DOCK2: variants seen among roughly 807,000 people sequenced by gnomAD.
DOCK2 encodes the protein dedicator of cytokinesis 2.
A neutral mutation model predicts 248.9 loss-of-function variants in DOCK2; 87 were observed. The ratio of observed to expected loss-of-function variants is 0.35; its 90% CI spans 0.29 to 0.42. DOCK2 has a LOEUF of 0.42. DOCK2 is among the 10% of genes least tolerant of loss of function. DOCK2 has a pLI of 1.00. For missense variants in DOCK2, 1,747 were observed against 2,300.2 expected, an observed-to-expected ratio of 0.76 and a Z score of 4.92; for synonymous variants, 805 against 821.6, an observed-to-expected ratio of 0.98 and a Z score of 0.35.
intron 22 of DOCK2, among the ~76,000 whole-genome samples, chr5:169,727,067 C>CAAAA (rs796894886): frequency 1.1e-5 from 1 of 89,314 alleles, no homozygotes; most frequent in African/African-American, 4.3e-5. Context: ...GACCCTGTCT[C>CAAAA]AAAAAAAAAA....
intron 36 of DOCK2, among the ~76,000 whole-genome samples, chr5:170,037,477 C>CA (rs1554127655): frequency 0.012 from 1,366 of 111,268 alleles, 11 homozygotes; most frequent in Non-Finnish European, 0.02. Flanking sequence ...AGCACAAAAA[C>CA]AAATTTTTTT....
At chr5:169,663,445 TC>T (rs1287534875) in intron 2 of DOCK2, among the ~76,000 whole-genome samples, 1 of 152,208 alleles carries the variant, frequency 6.6e-6, no homozygotes, top group East Asian at 1.9e-4. Context: ...GTGTGGGGGC[TC>T]CAACCCCACA....
At chr5:169,854,563 A>G (rs13161756) in intron 27 of DOCK2, among the ~76,000 whole-genome samples, 11,906 of 152,306 alleles carry the variant, frequency 0.078, 648 homozygotes, top group Non-Finnish European at 0.12. Flanking sequence ...TTTCATTTTA[A>G]TGATAGAGGT....
At chr5:169,998,313 C>G (rs983814103) in intron 30 of DOCK2, among the ~76,000 whole-genome samples, 1 of 152,224 alleles carries the variant, frequency 6.6e-6, no homozygotes, top group African/African-American at 2.4e-5. Flanking sequence ...GAGGAGGTGA[C>G]GTCTGGGCTG....
intron 27 of DOCK2, among the ~76,000 whole-genome samples, chr5:169,923,699 A>G (rs1401216480): frequency 6.6e-6 from 1 of 152,220 alleles, no homozygotes; most frequent in African/African-American, 2.4e-5. Flanking sequence ...CTGAATATGC[A>G]TGTATTTTAT....
chr5:169,659,519 C>T (rs1405343087), intron 2 of DOCK2, among the ~76,000 whole-genome samples: 5 of 152,136 alleles, frequency 3.3e-5, no homozygotes, highest in Admixed American at 2.6e-4. Flanking sequence ...CTAGCCCTTC[C>T]TTGCCTATGT....
chr5:169,910,656 A>G (rs542958694), intron 27 of DOCK2, among the ~76,000 whole-genome samples: 50 of 152,346 alleles, frequency 3.3e-4, no homozygotes, highest in African/African-American at 1.2e-3. Context: ...GGCCACGGCA[A>G]TGAAGTCCCC....
intron 22 of DOCK2, among the ~76,000 whole-genome samples, chr5:169,740,627 C>T (rs1338000619): frequency 6.6e-6 from 1 of 152,196 alleles, no homozygotes; most frequent in Non-Finnish European, 1.5e-5. Flanking sequence ...TGGGGGTATT[C>T]AATGAAGTAA....
chr5:169,637,446 C>A, intron 1 of DOCK2, 77 bp downstream of exon 1: 1 of 1,284,070 alleles, frequency 7.8e-7, no homozygotes. Flanking sequence ...TGCTGCGGGG[C>A]CGGCGGCGCG....
intron 25 of DOCK2, among the ~76,000 whole-genome samples, chr5:169,771,670 T>C (rs1055216369): frequency 2.0e-5 from 3 of 152,240 alleles, no homozygotes; most frequent in Non-Finnish European, 2.9e-5. Context: ...GCTGATTTTA[T>C]GTATTGTGAA....
rs1368737779 is a variant in DOCK2 at position 170,041,155 on chromosome 5, C to T, written c.3756+10C>T. 1 of 1,611,428 alleles carries T rather than the reference C, an allele frequency of 6.2e-7. No individual in the cohort carries two copies. The highest frequency in any genetic ancestry group is 1.3e-5 in the African/African-American group (1 of 74,966). On this transcript the variant is annotated intron_variant, in intron 37 of 51. Transcript: ENST00000520908. ...CACCTGGCTTCTCAAGGTACAGTCA[C>T]TTTGGGTGAAGGGCATTTATGCTGG...
chr5:170,043,168 T>G (rs1359169444), intron 38 of DOCK2, among the ~76,000 whole-genome samples: 1 of 152,184 alleles, frequency 6.6e-6, no homozygotes, highest in Non-Finnish European at 1.5e-5. Flanking sequence ...GGTGGCCACA[T>G]GCTCAAGTTT....
chr5:169,944,771 C>T (rs1776379064), intron 27 of DOCK2, among the ~76,000 whole-genome samples: 1 of 152,178 alleles, frequency 6.6e-6, no homozygotes, highest in African/African-American at 2.4e-5. Flanking sequence ...GCTCTAGAAG[C>T]ACCTTGTGCT....
At chr5:169,695,978 G>T (rs758723530) in intron 10 of DOCK2, 40 bp downstream of exon 10, 14 of 1,541,780 alleles carry the variant, frequency 9.1e-6, no homozygotes, top group Non-Finnish European at 1.2e-5. Context: ...TTATGGGAGC[G>T]CACATTTTAT....
intron 1 of DOCK2, among the ~76,000 whole-genome samples, chr5:169,652,566 A>G (rs1022201666): frequency 6.6e-6 from 1 of 152,252 alleles, no homozygotes; most frequent in African/African-American, 2.4e-5. Context: ...CCTGCGAGAT[A>G]GGTACTGTTA....
chr5:169,787,189 A>C (rs1225325961), intron 25 of DOCK2, among the ~76,000 whole-genome samples: 8 of 152,236 alleles, frequency 5.3e-5, no homozygotes, highest in Admixed American at 2.0e-4. Context: ...TATAGCACTT[A>C]CCATGTGGTC....
chr5:169,694,554 C>G (rs1265401457), intron 9 of DOCK2, among the ~76,000 whole-genome samples: 1 of 152,200 alleles, frequency 6.6e-6, no homozygotes, highest in Non-Finnish European at 1.5e-5. Flanking sequence ...TTCTTTGTGT[C>G]TCAGTTTCCC....
At position 169,761,278 on chromosome 5, in the gene DOCK2, G is replaced by A. The variant is rs569603925; in HGVS notation, c.2448-241G>A. The A allele has an allele frequency of 6.9e-6, 3 of 435,916 alleles. No homozygotes were observed. The East Asian group carries it at 1.2e-4, about 17-fold the overall frequency. The allele number at this position is 435,916 out of a possible 1,614,324, so 27.0% of individuals were successfully genotyped here. A position where few individuals can be genotyped will look rare whatever the true frequency, so the allele number is the denominator to read the frequency against. ...ATGCAAAATGCAAAGTGTGTGCTTG[G>A]TACACGGTAACTGCTCAGGGCTATG... is the stretch of plus-strand genomic sequence containing the variant. On this transcript the variant is annotated intron_variant, in intron 24 of 51. Coordinates refer to ENST00000520908, the MANE Select transcript of DOCK2 (RefSeq NM_004946.3).
chr5:169,708,163 G>C lies in DOCK2; in HGVS notation c.1384-6G>C. 1 of 1,613,370 alleles carries C rather than the reference G, an allele frequency of 6.2e-7. No homozygotes were observed. The highest frequency in any genetic ancestry group is 8.5e-7 in the Non-Finnish European group (1 of 1,179,758). ...CTTTTCCCTCACTTTGTTTTTCTTG[G>C]GTCAGAATGCAATTTGCGTGGGAGC... On this transcript the variant is annotated splice_polypyrimidine_tract_variant and splice_region_variant and intron_variant, in intron 14 of 51. Transcript: ENST00000520908.
Sources: gnomAD v4.1 joint callset for allele counts (sites outside exome capture counted in the v4.1 genomes callset) on GRCh38, gnomAD v4.1.1 for gene constraint, MANE v1.5 for transcripts, NCBI Gene and HGNC (gene_info 2026-07-23, HGNC 2026-07-21) for gene names.